The following FIP1L1 variants were observed in gnomAD, a reference collection of about 807,000 sequenced individuals.
The protein encoded by FIP1L1 is factor interacting with PAPOLA and CPSF1.
Under a neutral mutation model 84.6 loss-of-function variants are expected in FIP1L1, and 21 were observed. The ratio of observed to expected loss-of-function variants is 0.25; its 90% CI spans 0.18 to 0.36. The LOEUF (loss-of-function observed/expected upper bound fraction) is 0.36, where lower values mean the gene tolerates loss of function less well. FIP1L1 is among the 10% of genes least tolerant of loss of function. FIP1L1 has a pLI of 1.00. For missense variants in FIP1L1, 526 were observed against 751.1 expected (o/e 0.70, Z 3.50); for synonymous variants, 263 against 242.3 (o/e 1.09, Z -0.80).
At chr4:53,382,162 C>T (rs1308723334) in intron 3 of FIP1L1, 116 bp from the exon 4 acceptor site, 2 of 679,056 alleles carry the variant, frequency 2.9e-6, no homozygotes, top group Admixed American at 2.5e-5. Context: ...CCATTACTGT[C>T]TCCAGTGGAG....
At chr4:53,458,958 A>G (rs562004428) in intron 17 of FIP1L1, among the ~76,000 whole-genome samples, 168 bp downstream of exon 17, 3 of 152,150 alleles carry the variant, frequency 2.0e-5, no homozygotes, top group Non-Finnish European at 4.4e-5. Context: ...GCATTAAACA[A>G]AATACCTATT....
chr4:53,428,448 T>TGCTA (rs902625517), intron 13 of FIP1L1, among the ~76,000 whole-genome samples: 1 of 152,188 alleles, frequency 6.6e-6, no homozygotes, highest in Non-Finnish European at 1.5e-5. Flanking sequence ...AAACTTAAGT[T>TGCTA]GCTAATAGAA....
At chr4:53,407,092 T>C (rs1753998923) in intron 10 of FIP1L1, among the ~76,000 whole-genome samples, 1 of 152,238 alleles carries the variant, frequency 6.6e-6, no homozygotes, top group African/African-American at 2.4e-5. Flanking sequence ...GTTCTTTTAA[T>C]TGTGATGTTA....
At chr4:53,412,260 G>A (rs1024183849) in intron 10 of FIP1L1, among the ~76,000 whole-genome samples, 1 of 152,048 alleles carries the variant, frequency 6.6e-6, no homozygotes, top group African/African-American at 2.4e-5. Context: ...TCCTCAGAAC[G>A]AGGACATTCT....
chr4:53,395,391 C>G (rs1746672942), intron 9 of FIP1L1, among the ~76,000 whole-genome samples: 1 of 152,144 alleles, frequency 6.6e-6, no homozygotes, highest in South Asian at 2.1e-4. Flanking sequence ...TAATGTCTCT[C>G]CCACGTCTCT....
chr4:53,430,503 G>A (rs887883196), intron 13 of FIP1L1, among the ~76,000 whole-genome samples: 3 of 151,262 alleles, frequency 2.0e-5, no homozygotes, highest in African/African-American at 4.9e-5. Context: ...CACCATACCC[G>A]GCATTTTTGT....
At chr4:53,416,929 C>T (rs961084294) in intron 11 of FIP1L1, among the ~76,000 whole-genome samples, 6 of 151,818 alleles carry the variant, frequency 4.0e-5, no homozygotes, top group African/African-American at 1.5e-4. Flanking sequence ...TGCCACTGCA[C>T]GCCATCCTGG....
chr4:53,409,558 A>T (rs1755913352), intron 10 of FIP1L1, among the ~76,000 whole-genome samples: 1 of 152,174 alleles, frequency 6.6e-6, no homozygotes, highest in South Asian at 2.1e-4. Flanking sequence ...TGCAGAGATT[A>T]CTTCTGTCTT....
intron 14 of FIP1L1, among the ~76,000 whole-genome samples, chr4:53,443,129 C>G (rs1199365425): frequency 6.6e-6 from 1 of 152,096 alleles, no homozygotes; most frequent in Admixed American, 6.6e-5. Context: ...ACCATCTCAG[C>G]TTCCACAAAG....
intron 15 of FIP1L1, among the ~76,000 whole-genome samples, chr4:53,447,884 A>G (rs1489403905): frequency 2.0e-5 from 3 of 152,056 alleles, no homozygotes; most frequent in Non-Finnish European, 4.4e-5. Context: ...ATTTTGACTG[A>G]TAACCATCAC....
chr4:53,379,309 A>T (rs1471596), intron 3 of FIP1L1, 45 bp downstream of exon 3: 1,489,192 of 1,495,786 alleles, frequency 1, 741,562 homozygotes, highest in East Asian at 1. Flanking sequence ...GGTTGTGTGA[A>T]ACAATGGTTC....
intron 11 of FIP1L1, among the ~76,000 whole-genome samples, chr4:53,423,049 C>T (rs559650145): frequency 5.3e-5 from 8 of 152,280 alleles, no homozygotes; most frequent in Middle Eastern, 3.4e-3. Context: ...CTTCTATTAG[C>T]CCTGATTTGT....
chr4:53,448,599 G>A (rs775233681), intron 15 of FIP1L1, among the ~76,000 whole-genome samples: 2 of 152,036 alleles, frequency 1.3e-5, no homozygotes, highest in Non-Finnish European at 2.9e-5. Context: ...TTATAGATGA[G>A]GAAATCAAAA....
chr4:53,433,029 T>C (rs1342142664), intron 13 of FIP1L1, among the ~76,000 whole-genome samples: 1 of 152,212 alleles, frequency 6.6e-6, no homozygotes, highest in East Asian at 1.9e-4. Flanking sequence ...AAGAAGTCTG[T>C]GTTTAGCTGA....
At chr4:53,459,277 C>CGT in intron 17 of FIP1L1, 25 bp from the exon 18 acceptor site, 2 of 974,284 alleles carry the variant, frequency 2.1e-6, no homozygotes, top group Non-Finnish European at 2.8e-6. Flanking sequence ...CAGAACACAC[C>CGT]TTTTTTTTTT....
intron 13 of FIP1L1, among the ~76,000 whole-genome samples, chr4:53,433,125 T>C (rs1767493279): frequency 6.6e-6 from 1 of 152,252 alleles, no homozygotes; most frequent in Admixed American, 6.5e-5. Flanking sequence ...TTTGTGTGTT[T>C]GTTTATTGTG....
At chr4:53,437,225 G>A (rs1259444180) in intron 13 of FIP1L1, among the ~76,000 whole-genome samples, 1 of 151,310 alleles carries the variant, frequency 6.6e-6, no homozygotes, top group Non-Finnish European at 1.5e-5. Flanking sequence ...CTACTTGGGA[G>A]GCTGAGGTGG....
intron 16 of FIP1L1, among the ~76,000 whole-genome samples, chr4:53,457,063 A>G (rs1445514852): frequency 2.0e-5 from 3 of 152,144 alleles, no homozygotes; most frequent in Non-Finnish European, 4.4e-5. Context: ...CTGCTTCTGA[A>G]AAAATTAAGC....
At chr4:53,423,400 A>G (rs1298851523) in intron 11 of FIP1L1, among the ~76,000 whole-genome samples, 1 of 152,244 alleles carries the variant, frequency 6.6e-6, no homozygotes, top group Non-Finnish European at 1.5e-5. Context: ...CTTAAGTTAC[A>G]GTAGATTTCC....
Sources: allele counts gnomAD v4.1 joint callset (sites outside exome capture counted in the v4.1 genomes callset), GRCh38; gene constraint gnomAD v4.1.1; transcripts MANE v1.5; gene names NCBI Gene and HGNC (gene_info 2026-07-23, HGNC 2026-07-21).